TTC39C: variants seen among roughly 807,000 people sequenced by gnomAD.
TTC39C encodes tetratricopeptide repeat protein 39C.
A neutral mutation model predicts 76.3 loss-of-function variants in TTC39C; 33 were observed. The ratio of observed to expected loss-of-function variants is 0.43; its 90% confidence interval spans 0.33 to 0.58. TTC39C has a LOEUF of 0.58. TTC39C is among the 20% of genes least tolerant of loss of function. The pLI, the probability that TTC39C is intolerant of heterozygous loss-of-function variation, is 0.04. For synonymous variants in TTC39C, 254 were observed against 260.6 expected, an observed-to-expected ratio of 0.97 and a Z score of 0.24; for missense variants, 595 against 701.4, an observed-to-expected ratio of 0.85 and a Z score of 1.71.
chr18:24,025,512 G>A (rs961242791), intron 1 of TTC39C, among the ~76,000 whole-genome samples: 1 of 152,172 alleles, frequency 6.6e-6, no homozygotes, highest in African/African-American at 2.4e-5. Flanking sequence ...AATATTTTGT[G>A]TTTCTACATA....
At chr18:24,100,919 G>A (rs1311028431) in intron 6 of TTC39C, among the ~76,000 whole-genome samples, 2 of 152,170 alleles carry the variant, frequency 1.3e-5, no homozygotes, top group Non-Finnish European at 1.5e-5. Context: ...GAGGTTCTGT[G>A]TTGGGTTAAT....
At chr18:24,084,429 G>A (rs1344460584) in intron 6 of TTC39C, among the ~76,000 whole-genome samples, 3 of 152,146 alleles carry the variant, frequency 2.0e-5, no homozygotes, top group Non-Finnish European at 4.4e-5. Flanking sequence ...AGGTTGTAGT[G>A]AGCCGAGATT....
At chr18:24,015,273 C>T in intron 1 of TTC39C, 1 of 396,828 alleles carries the variant, frequency 2.5e-6, no homozygotes, top group Non-Finnish European at 4.5e-6. Flanking sequence ...CGCCGCGCGC[C>T]CGCCCCGCGC....
chr18:24,117,413 A>G (rs1221305961), intron 7 of TTC39C, among the ~76,000 whole-genome samples: 2 of 152,102 alleles, frequency 1.3e-5, no homozygotes, highest in African/African-American at 4.8e-5. Context: ...AGTTTTGAGA[A>G]TGAGTGGGCC....
At chr18:24,009,040 G>A (rs1317894524) in intron 1 of TTC39C, among the ~76,000 whole-genome samples, 2 of 152,048 alleles carry the variant, frequency 1.3e-5, no homozygotes, top group Non-Finnish European at 1.5e-5. Context: ...CAGACGCCAG[G>A]GTCTGCTTGA....
chr18:24,085,410 T>G (rs1035722873), intron 6 of TTC39C, among the ~76,000 whole-genome samples: 5 of 152,250 alleles, frequency 3.3e-5, no homozygotes, highest in Admixed American at 2.6e-4. Flanking sequence ...TTTTTCATTT[T>G]AAAACAAAAT....
At chr18:24,046,946 C>G (rs867941138) in intron 1 of TTC39C, among the ~76,000 whole-genome samples, 3 of 151,646 alleles carry the variant, frequency 2.0e-5, no homozygotes, top group Non-Finnish European at 4.4e-5. Flanking sequence ...ATTTAATTGA[C>G]TTTTGTTACT....
In TTC39C at chr18:24,080,633, A is replaced by G; in HGVS notation, c.509A>G (p.Asn170Ser). Reference protein sequence around the residue: ...WILRKAWKIYNKCYLDINALQ... With the variant: ...WILRKAWKIYSKCYLDINALQ... The stretch of plus-strand genomic sequence containing the variant: ...CTTAGGAAAGCCTGGAAGATTTACA[A>G]TAAATGCTATCTGGACATCAATGCC... Residue 170 changes from asparagine (N) to serine (S), a missense_variant, in exon 5 of 14, where the codon AAT becomes AGT. Asn to Ser is a conservative substitution (Grantham distance 46). Coordinates refer to ENST00000317571, the MANE Select transcript of TTC39C (RefSeq NM_001135993.2). 6 of 1,613,864 alleles carry G rather than the reference A, an allele frequency of 3.7e-6. No homozygotes were observed. The highest frequency in any genetic ancestry group is 4.2e-6 in the Non-Finnish European group (5 of 1,179,890).
At chr18:24,080,976 T>C (rs372890981) in intron 5 of TTC39C, 37 bp downstream of exon 5, 15 of 1,535,476 alleles carry the variant, frequency 9.8e-6, no homozygotes, top group East Asian at 2.3e-5. Context: ...GTAGATAATA[T>C]AGTGTTGAAA....
At chr18:24,085,973 C>G (rs7234823) in intron 6 of TTC39C, among the ~76,000 whole-genome samples, 7,312 of 152,260 alleles carry the variant, frequency 0.048, 244 homozygotes, top group African/African-American at 0.088. Context: ...TCAGAAATGA[C>G]CATGTCATCC....
At chr18:24,027,975 A>C (rs2083619121) in intron 1 of TTC39C, among the ~76,000 whole-genome samples, 1 of 152,180 alleles carries the variant, frequency 6.6e-6, no homozygotes, top group African/African-American at 2.4e-5. Flanking sequence ...GTTTGCACAG[A>C]AAAGAGTTTT....
chr18:24,003,662 GAA>G (rs1003523556), intron 1 of TTC39C, among the ~76,000 whole-genome samples: 1 of 144,358 alleles, frequency 6.9e-6, no homozygotes, highest in South Asian at 2.3e-4. Context: ...GCCCTTGTAT[GAA>G]AAAAAAAAGC....
At chr18:24,056,307 A>C (rs1599280899) in intron 1 of TTC39C, among the ~76,000 whole-genome samples, 1 of 152,194 alleles carries the variant, frequency 6.6e-6, no homozygotes, top group East Asian at 1.9e-4. Context: ...TGCTTCGTTT[A>C]TAATCCCCAG....
chr18:24,070,174 G>A (rs2145740263), intron 4 of TTC39C, among the ~76,000 whole-genome samples: 1 of 151,958 alleles, frequency 6.6e-6, no homozygotes, highest in African/African-American at 2.4e-5. Flanking sequence ...GCTTCTGTTT[G>A]GCTGAAGTCA....
chr18:24,032,851 C>T (rs543542243), intron 1 of TTC39C, among the ~76,000 whole-genome samples: 1 of 152,330 alleles, frequency 6.6e-6, no homozygotes, highest in South Asian at 2.1e-4. Context: ...ACTCATATTT[C>T]CCCCTTTTAT....
intron 1 of TTC39C, among the ~76,000 whole-genome samples, chr18:24,063,807 C>A (rs1011756348): frequency 6.6e-6 from 1 of 152,154 alleles, no homozygotes; most frequent in African/African-American, 2.4e-5. Flanking sequence ...AGCCACCGCG[C>A]CTGGCCTGTT....
chr18:24,109,588 T>A (rs1186337234), intron 6 of TTC39C, among the ~76,000 whole-genome samples: 1 of 152,238 alleles, frequency 6.6e-6, no homozygotes, highest in Non-Finnish European at 1.5e-5. Context: ...ACTAGTTATT[T>A]ATATAGTTCA....
chr18:24,064,752 G>C (rs183391632), intron 2 of TTC39C, among the ~76,000 whole-genome samples: 58 of 151,954 alleles, frequency 3.8e-4, no homozygotes, highest in Non-Finnish European at 6.5e-4. Flanking sequence ...TTAATGAATT[G>C]TGTAACAGCA....
chr18:24,058,169 G>A (rs1226300983), intron 1 of TTC39C, among the ~76,000 whole-genome samples: 1 of 152,208 alleles, frequency 6.6e-6, no homozygotes, highest in African/African-American at 2.4e-5. Flanking sequence ...TGAGGGTGGA[G>A]GGTAGGAAGA....
Sources: gnomAD v4.1 joint callset for allele counts (sites outside exome capture counted in the v4.1 genomes callset) on GRCh38, gnomAD v4.1.1 for gene constraint, MANE v1.5 for transcripts, NCBI Gene and HGNC (gene_info 2026-07-23, HGNC 2026-07-21) for gene names.